Variants in TRERF1 observed in about 807,000 individuals in gnomAD.
TRERF1 encodes the protein transcriptional regulating factor 1.
A neutral mutation model predicts 122.9 loss-of-function variants in TRERF1; 27 were observed. The ratio of observed to expected loss-of-function variants is 0.22; its 90% CI spans 0.16 to 0.30. The LOEUF (loss-of-function observed/expected upper bound fraction) is 0.30, where lower values mean the gene tolerates loss of function less well. Ranked by LOEUF, TRERF1 falls within the 10% of genes least tolerant of loss-of-function variation. The pLI, the probability that TRERF1 is intolerant of heterozygous loss-of-function variation, is 1.00. For missense variants in TRERF1, 1,248 were observed against 1,560.3 expected, an observed-to-expected ratio of 0.80 and a Z score of 3.37; for synonymous variants, 636 against 641.7, an observed-to-expected ratio of 0.99 and a Z score of 0.13.
At chr6:42,448,890 C>G (rs572465999) in intron 2 of TRERF1, among the ~76,000 whole-genome samples, 1 of 152,120 alleles carries the variant, frequency 6.6e-6, no homozygotes, top group Non-Finnish European at 1.5e-5. Context: ...AAAAAAATAA[C>G]GCTTTCGGTT....
intron 2 of TRERF1, among the ~76,000 whole-genome samples, chr6:42,409,820 C>T (rs1304479673): frequency 6.6e-6 from 1 of 152,164 alleles, no homozygotes; most frequent in South Asian, 2.1e-4. Flanking sequence ...TATTTCCCCA[C>T]TCAGTATCTG....
chr6:42,403,250 C>G (rs563079787), intron 2 of TRERF1, among the ~76,000 whole-genome samples: 80 of 152,188 alleles, frequency 5.3e-4, no homozygotes, highest in African/African-American at 1.9e-3. Flanking sequence ...CAAAAATTCA[C>G]GGCCACCTGG....
intron 4 of TRERF1, among the ~76,000 whole-genome samples, chr6:42,287,827 CT>C (rs1783542522): frequency 6.6e-6 from 1 of 152,136 alleles, no homozygotes; most frequent in African/African-American, 2.4e-5. Flanking sequence ...ACACCACCCT[CT>C]CCTTAAAACC....
chr6:42,361,561 C>G (rs1447100824), intron 3 of TRERF1, among the ~76,000 whole-genome samples: 3 of 152,178 alleles, frequency 2.0e-5, no homozygotes, highest in Non-Finnish European at 4.4e-5. Flanking sequence ...TTCCCTGGGT[C>G]TTTTCAAGTC....
intron 2 of TRERF1, among the ~76,000 whole-genome samples, chr6:42,434,716 A>C (rs1197689275): frequency 6.7e-6 from 1 of 149,606 alleles, no homozygotes; most frequent in Non-Finnish European, 1.5e-5. Context: ...ACACACCCCT[A>C]ATAGGAGTTA....
At chr6:42,374,150 A>AAAAAAG (rs1554193489) in intron 2 of TRERF1, among the ~76,000 whole-genome samples, 647 of 144,004 alleles carry the variant, frequency 4.5e-3, no homozygotes, top group Non-Finnish European at 7.1e-3. Context: ...AAAAAAAAAA[A>AAAAAAG]AAGAAGAAGA....
intron 2 of TRERF1, among the ~76,000 whole-genome samples, chr6:42,439,829 G>T (rs1423781392): frequency 2.0e-5 from 3 of 152,314 alleles, no homozygotes; most frequent in African/African-American, 7.2e-5. Flanking sequence ...AAGTCAGAGG[G>T]ATAAGCCTAG....
chr6:42,311,382 C>T (rs1788199836), intron 3 of TRERF1, among the ~76,000 whole-genome samples: 1 of 152,086 alleles, frequency 6.6e-6, no homozygotes, highest in Admixed American at 6.6e-5. Context: ...GACACAGCAG[C>T]TGTGTCCTTC....
chr6:42,289,263 C>T (rs34239058), intron 4 of TRERF1, among the ~76,000 whole-genome samples: 4,089 of 151,686 alleles, frequency 0.027, 56 homozygotes, highest in Non-Finnish European at 0.036. Flanking sequence ...GAGGCGGAGA[C>T]TGCAGTGAGC....
At chr6:42,262,594 A>G in intron 8 of TRERF1, among the ~76,000 whole-genome samples, 1 of 149,910 alleles carries the variant, frequency 6.7e-6, no homozygotes, top group Non-Finnish European at 1.5e-5. Context: ...AGAGAGAGAG[A>G]GAGAGACAGA....
chr6:42,323,781 A>C (rs536656371), intron 3 of TRERF1, among the ~76,000 whole-genome samples: 61 of 152,288 alleles, frequency 4.0e-4, no homozygotes, highest in African/African-American at 1.4e-3. Flanking sequence ...GTTGAGTGGA[A>C]TTAGACAGGA....
At chr6:42,249,560 T>C (rs1371903082) in intron 13 of TRERF1, among the ~76,000 whole-genome samples, 2 of 152,132 alleles carry the variant, frequency 1.3e-5, no homozygotes, top group Non-Finnish European at 2.9e-5. Context: ...TTCCTGGTGG[T>C]TTTTAAGACT....
intron 4 of TRERF1, among the ~76,000 whole-genome samples, chr6:42,290,267 G>A (rs1271672457): frequency 1.3e-5 from 2 of 152,178 alleles, no homozygotes; most frequent in African/African-American, 2.4e-5. Flanking sequence ...AGAATACCTG[G>A]CACCCACTGG....
intron 3 of TRERF1, among the ~76,000 whole-genome samples, chr6:42,344,174 C>CA (rs1767832240): frequency 1.3e-5 from 2 of 152,184 alleles, no homozygotes; most frequent in African/African-American, 4.8e-5. Flanking sequence ...GACCCTGCTC[C>CA]ATGCCCCCAC....
At chr6:42,352,602 C>T (rs920833853) in intron 3 of TRERF1, among the ~76,000 whole-genome samples, 4 of 152,162 alleles carry the variant, frequency 2.6e-5, no homozygotes, top group Non-Finnish European at 4.4e-5. Flanking sequence ...AAAATCTAGA[C>T]GTACAACCTT....
chr6:42,371,007 A>C (rs1773664840), intron 2 of TRERF1, among the ~76,000 whole-genome samples: 1 of 152,174 alleles, frequency 6.6e-6, no homozygotes, highest in East Asian at 1.9e-4. Context: ...AGTAACCCTC[A>C]GGCCCACAAC....
rs1017576005 is a variant in TRERF1, at chr6:42,265,817, G to C, written c.1438-20C>G. 9 of 1,611,980 alleles carry C rather than the reference G, an allele frequency of 5.6e-6. No individual in the cohort carries two copies. The highest frequency in any genetic ancestry group is 7.6e-6 in the Non-Finnish European group (9 of 1,179,042). On this transcript the variant is annotated intron_variant, in intron 5 of 17. Coordinates refer to ENST00000372922, the Ensembl canonical transcript of TRERF1. ...GTGCATCTAATTTTGAGCCAAACAGGACACCGAAAAAAAGAAGAGAAAAAA... is the reference window on the plus strand; with the variant it reads ...GTGCATCTAATTTTGAGCCAAACAGCACACCGAAAAAAAGAAGAGAAAAAA...
intron 4 of TRERF1, among the ~76,000 whole-genome samples, chr6:42,290,962 G>A (rs1014586694): frequency 4.0e-5 from 6 of 151,626 alleles, no homozygotes; most frequent in African/African-American, 1.5e-4. Context: ...TCGCTGAGAA[G>A]GACACCAAAG....
intron 13 of TRERF1, among the ~76,000 whole-genome samples, chr6:42,247,596 G>A (rs1775031763): frequency 6.6e-6 from 1 of 152,172 alleles, no homozygotes. Flanking sequence ...AGAGGGAGAG[G>A]CTTCACTGCT....
Sources: allele counts gnomAD v4.1 joint callset (sites outside exome capture counted in the v4.1 genomes callset), GRCh38; gene constraint gnomAD v4.1.1; transcripts MANE v1.5; gene names NCBI Gene and HGNC (gene_info 2026-07-23, HGNC 2026-07-21).